XYLT1: variants seen among roughly 807,000 people sequenced by gnomAD.
XYLT1 encodes the protein beta-D-xylosyltransferase 1.
XYLT1 carries 36 observed loss-of-function variants against 91.3 expected under a neutral mutation model. The ratio of observed to expected loss-of-function variants is 0.39; its 90% CI spans 0.30 to 0.52. XYLT1 has a LOEUF of 0.52. Ranked by LOEUF, XYLT1 falls within the 20% of genes least tolerant of loss-of-function variation. The pLI is 0.68. For synonymous variants in XYLT1, 588 were observed against 532.0 expected, an observed-to-expected ratio of 1.11 and a Z score of -1.45; for missense variants, 1,242 against 1,284.5, an observed-to-expected ratio of 0.97 and a Z score of 0.51.
chr16:17,134,029 A>C (rs1367157170), intron 9 of XYLT1, among the ~76,000 whole-genome samples: 1 of 152,210 alleles, frequency 6.6e-6, no homozygotes, highest in Non-Finnish European at 1.5e-5. Context: ...AAGGTGGGTG[A>C]AGATGAAAAT....
intron 5 of XYLT1, among the ~76,000 whole-genome samples, chr16:17,196,599 A>T (rs2032430690): frequency 6.6e-6 from 1 of 152,134 alleles, no homozygotes; most frequent in African/African-American, 2.4e-5. Flanking sequence ...TTGCCTTAAT[A>T]AAAGTTTTAT....
chr16:17,279,867 G>A (rs1196722002), intron 2 of XYLT1, among the ~76,000 whole-genome samples: 1 of 152,174 alleles, frequency 6.6e-6, no homozygotes. Flanking sequence ...TGGGCACCCC[G>A]CCCTCTGCCC....
At chr16:17,269,459 G>A (rs1014168512) in intron 2 of XYLT1, among the ~76,000 whole-genome samples, 3 of 152,152 alleles carry the variant, frequency 2.0e-5, no homozygotes, top group Admixed American at 6.5e-5. Context: ...TTACAAGCGT[G>A]AGCTACCACG....
intron 2 of XYLT1, among the ~76,000 whole-genome samples, chr16:17,320,197 A>G (rs962129017): frequency 2.6e-5 from 4 of 152,238 alleles, no homozygotes; most frequent in African/African-American, 9.6e-5. Context: ...GGTTGTAAAC[A>G]TTCAGAAAAA....
At chr16:17,392,270 C>T (rs1018132730) in intron 1 of XYLT1, among the ~76,000 whole-genome samples, 7 of 152,172 alleles carry the variant, frequency 4.6e-5, no homozygotes, top group Middle Eastern at 3.2e-3. Flanking sequence ...GTTTCTAGAA[C>T]ATTCCATTCT....
At chr16:17,260,959 C>G (rs981206995) in intron 2 of XYLT1, among the ~76,000 whole-genome samples, 2 of 152,074 alleles carry the variant, frequency 1.3e-5, no homozygotes, top group Non-Finnish European at 2.9e-5. Context: ...TAGGACTGGG[C>G]GTGGTGGCTC....
chr16:17,180,325 TTAAAG>T (rs1459828712), intron 5 of XYLT1, among the ~76,000 whole-genome samples: 1 of 152,148 alleles, frequency 6.6e-6, no homozygotes, highest in Non-Finnish European at 1.5e-5. Flanking sequence ...AATGCATTGT[TTAAAG>T]TAACTTGTTG....
chr16:17,277,778 C>A (rs909345851), intron 2 of XYLT1, among the ~76,000 whole-genome samples: 5 of 152,126 alleles, frequency 3.3e-5, no homozygotes, highest in African/African-American at 1.2e-4. Flanking sequence ...TCTGTTCCTG[C>A]GTCATTAATT....
chr16:17,428,817 G>A (rs1195322195), intron 1 of XYLT1, among the ~76,000 whole-genome samples: 1 of 152,134 alleles, frequency 6.6e-6, no homozygotes, highest in Non-Finnish European at 1.5e-5. Flanking sequence ...CAATCTTTCA[G>A]AGAGGGAGGA....
intron 2 of XYLT1, among the ~76,000 whole-genome samples, chr16:17,321,607 G>A (rs2034722535): frequency 6.6e-6 from 1 of 151,788 alleles, no homozygotes; most frequent in Admixed American, 6.6e-5. Context: ...ATCTCCCCGT[G>A]TCAGACTCCC....
rs186928079 is a variant in XYLT1 at position 17,253,161 on chromosome 16, C to T, written c.913+5827G>A. On this transcript the variant is annotated intron_variant, in intron 3 of 11. Coordinates refer to ENST00000261381, the MANE Select transcript of XYLT1 (RefSeq NM_022166.4). ...AGAAGAATAGTTTATGGCTTAAATG[C>T]TATTAATTGTAAGCCGTTTTGTTCC... Among the ~76,000 whole-genome samples, 65 of 152,244 alleles carry T rather than the reference C, an allele frequency of 4.3e-4. 1 individual carries two copies. Among genetic ancestry groups the T allele is most frequent in the Admixed American group, 3.8e-3 (58 of 15,294 alleles).
At chr16:17,333,111 A>G (rs144232412) in intron 2 of XYLT1, among the ~76,000 whole-genome samples, 17 of 152,292 alleles carry the variant, frequency 1.1e-4, no homozygotes, top group African/African-American at 4.1e-4. Flanking sequence ...AAATGGAAAA[A>G]AAACTGTGTT....
intron 5 of XYLT1, among the ~76,000 whole-genome samples, chr16:17,184,587 A>C: frequency 6.6e-6 from 1 of 152,176 alleles, no homozygotes; most frequent in East Asian, 1.9e-4. Flanking sequence ...TTAGTTCCTC[A>C]GTCCCACAAG....
chr16:17,257,878 C>T (rs1189447688), intron 3 of XYLT1, among the ~76,000 whole-genome samples: 1 of 152,148 alleles, frequency 6.6e-6, no homozygotes, highest in Non-Finnish European at 1.5e-5. Context: ...CCTCAGCAGC[C>T]CCCTGTGGCT....
At chr16:17,380,564 G>A (rs1329446305) in intron 1 of XYLT1, among the ~76,000 whole-genome samples, 1 of 152,172 alleles carries the variant, frequency 6.6e-6, no homozygotes, top group Non-Finnish European at 1.5e-5. Flanking sequence ...ATTCACAGAT[G>A]GAGGGATAAT....
At chr16:17,115,206 C>T (rs111264434) in intron 11 of XYLT1, among the ~76,000 whole-genome samples, 8,592 of 151,246 alleles carry the variant, frequency 0.057, 806 homozygotes, top group African/African-American at 0.2. Context: ...GGGTGGCTCA[C>T]GCCTGTAATC....
chr16:17,322,335 G>A (rs533413441), intron 2 of XYLT1, among the ~76,000 whole-genome samples: 22 of 152,090 alleles, frequency 1.4e-4, no homozygotes, highest in Non-Finnish European at 2.9e-4. Context: ...CTGAAGACCC[G>A]ACAAGTAGAA....
intron 1 of XYLT1, among the ~76,000 whole-genome samples, chr16:17,449,072 G>A (rs1208835985): frequency 6.6e-6 from 1 of 152,200 alleles, no homozygotes; most frequent in Non-Finnish European, 1.5e-5. Context: ...GGAGAAGGAA[G>A]TGGCATATAA....
intron 1 of XYLT1, among the ~76,000 whole-genome samples, chr16:17,426,973 G>A (rs963650746): frequency 6.6e-6 from 1 of 152,228 alleles, no homozygotes; most frequent in Non-Finnish European, 1.5e-5. Context: ...CAAGGGCCCT[G>A]AGGCAGGATA....
Sources: gnomAD v4.1 joint callset for allele counts (sites outside exome capture counted in the v4.1 genomes callset) on GRCh38, gnomAD v4.1.1 for gene constraint, MANE v1.5 for transcripts, NCBI Gene and HGNC (gene_info 2026-07-23, HGNC 2026-07-21) for gene names.